The following ADAM23 variants were observed in gnomAD, a reference collection of about 807,000 sequenced individuals.
ADAM23 encodes the protein disintegrin and metalloproteinase domain-containing protein 23.
In ADAM23, 33 loss-of-function variants were observed where a neutral mutation model predicts 120.1. The observed-to-expected ratio is 0.27, with a 90% CI of 0.21 to 0.37. ADAM23 has a LOEUF of 0.37. Ranked by LOEUF, ADAM23 falls within the 10% of genes least tolerant of loss-of-function variation. The pLI, the probability that ADAM23 is intolerant of heterozygous loss-of-function variation, is 1.00. For synonymous variants in ADAM23, 367 were observed against 375.2 expected (o/e 0.98, Z 0.25); for missense variants, 862 against 1,058.2 (o/e 0.81, Z 2.57).
intron 4 of ADAM23, 82 bp downstream of exon 4, chr2:206,531,030 C>A (rs1313481057): frequency 9.2e-7 from 1 of 1,091,702 alleles, no homozygotes; most frequent in Non-Finnish European, 1.3e-6. Context: ...GTTGTTTTGA[C>A]GTCTGTCTCA....
At chr2:206,514,770 A>G (rs753386456) in intron 3 of ADAM23, among the ~76,000 whole-genome samples, 19 of 152,184 alleles carry the variant, frequency 1.2e-4, no homozygotes, top group Non-Finnish European at 1.9e-4. Context: ...CAGCCACTCT[A>G]GCCTTCAGCA....
intron 13 of ADAM23, among the ~76,000 whole-genome samples, chr2:206,564,446 A>C (rs1226780448): frequency 6.6e-6 from 1 of 152,208 alleles, no homozygotes; most frequent in Non-Finnish European, 1.5e-5. Flanking sequence ...AACAAATTGA[A>C]TTCTCTTCTC....
At chr2:206,488,086 T>A (rs1010880379) in intron 3 of ADAM23, among the ~76,000 whole-genome samples, 1 of 152,268 alleles carries the variant, frequency 6.6e-6, no homozygotes. Flanking sequence ...CAGTTCACGC[T>A]GTGTTTTGGA....
intron 23 of ADAM23, 81 bp from the exon 24 acceptor site, chr2:206,595,970 C>T (rs1698516624): frequency 7.4e-6 from 8 of 1,082,376 alleles, no homozygotes; most frequent in Middle Eastern, 2.3e-4. Flanking sequence ...TTCCTCCCTG[C>T]CCCCGTGTCT....
rs536287628 is a variant in ADAM23, at chr2:206,485,023, A to T, written c.509+3715A>T. Among the ~76,000 whole-genome samples, 3 of 152,312 alleles carry T rather than the reference A, an allele frequency of 2.0e-5. No homozygotes were observed. The East Asian group carries it at 5.8e-4, about 29-fold the overall frequency. On this transcript the variant is annotated intron_variant, in intron 3 of 25. Coordinates refer to ENST00000264377, the MANE Select transcript of ADAM23 (RefSeq NM_003812.4). ...CCCAGCCATATGGAACTATGAGTCC[A>T]TTAAAGCTTTTTTTCTTTATAAATT...
intron 3 of ADAM23, among the ~76,000 whole-genome samples, chr2:206,496,313 A>G (rs1696246578): frequency 6.6e-6 from 1 of 152,218 alleles, no homozygotes; most frequent in Admixed American, 6.5e-5. Context: ...CTCAGACCAC[A>G]GTGCAATCAA....
At chr2:206,512,806 A>G (rs1696651995) in intron 3 of ADAM23, among the ~76,000 whole-genome samples, 1 of 152,200 alleles carries the variant, frequency 6.6e-6, no homozygotes, top group Admixed American at 6.5e-5. Flanking sequence ...TGCATTGAGC[A>G]AGTCTATTGG....
rs1697756633 is a variant in ADAM23 at position 206,561,144 on chromosome 2, T to C, written c.1186T>C (p.Tyr396His). The C allele has an allele frequency of 6.2e-7, 1 of 1,614,062 alleles. No homozygotes were observed. Among genetic ancestry groups the C allele is most frequent in the Non-Finnish European group, 8.5e-7 (1 of 1,179,948 alleles). The change falls in exon 12 of 26, where the codon TAT becomes CAT. Residue 396 changes from tyrosine (Y) to histidine (H), a missense_variant. Around this residue, in one of 4 missense-constraint regions of ADAM23, gnomAD observed 617 missense variants for 813.5 expected, o/e 0.76. Transcript: ENST00000264377. The stretch of plus-strand genomic sequence containing the variant: ...TTTCTTAAGGCGGGTGACATTTCAC[T>C]ATAAGAGAAGCAGTCTGAGTTACTT... The part of the protein sequence containing the change: ...VHLISRVTFH[Y>H]KRSSLSYFGG...
intron 3 of ADAM23, among the ~76,000 whole-genome samples, chr2:206,511,863 A>G (rs1045804054): frequency 6.6e-6 from 1 of 152,234 alleles, no homozygotes; most frequent in African/African-American, 2.4e-5. Context: ...CCAAATAAGG[A>G]AAAATTAATG....
chr2:206,580,617 G>A (rs1164302897), intron 18 of ADAM23, among the ~76,000 whole-genome samples: 1 of 152,152 alleles, frequency 6.6e-6, no homozygotes, highest in African/African-American at 2.4e-5. Flanking sequence ...GATTCAGTTA[G>A]CTAGTATTTT....
At chr2:206,592,550 A>G in intron 21 of ADAM23, 67 bp from the exon 22 acceptor site, 3 of 1,565,138 alleles carry the variant, frequency 1.9e-6, no homozygotes, top group Non-Finnish European at 2.6e-6. Flanking sequence ...ATGTGGACCG[A>G]ATCGTTTTGA....
At chr2:206,610,742 T>A (rs1698811421) in intron 25 of ADAM23, among the ~76,000 whole-genome samples, 2 of 152,200 alleles carry the variant, frequency 1.3e-5, no homozygotes, top group Admixed American at 6.5e-5. Context: ...GTGATCAAAA[T>A]TTTTAAAGCT....
intron 2 of ADAM23, among the ~76,000 whole-genome samples, chr2:206,461,211 A>C (rs966096579): frequency 2.0e-5 from 3 of 151,266 alleles, no homozygotes; most frequent in Non-Finnish European, 4.4e-5. Context: ...ACAGGCCCCC[A>C]CCACCACACC....
chr2:206,549,720 A>G lies in ADAM23; in HGVS notation c.868-375A>G, dbSNP rs184398492. ...TTACATAGATTTTCATTGACGTTTT[A>G]AGTAAATATGAATATTTTATCACAT... On this transcript the variant is annotated intron_variant, in intron 8 of 25. Coordinates refer to ENST00000264377, the MANE Select transcript of ADAM23 (RefSeq NM_003812.4). Among the ~76,000 whole-genome samples, 639 of 152,176 alleles carry G rather than the reference A, an allele frequency of 4.2e-3. 5 individuals carry two copies. The highest frequency in any genetic ancestry group is 0.015 in the African/African-American group (616 of 41,562).
intron 3 of ADAM23, among the ~76,000 whole-genome samples, chr2:206,482,955 T>C (rs535338000): frequency 5.1e-4 from 78 of 152,256 alleles, no homozygotes; most frequent in Admixed American, 5.2e-4. Flanking sequence ...TTTGTTGACC[T>C]TCCTCATAAA....
intron 6 of ADAM23, among the ~76,000 whole-genome samples, chr2:206,545,765 C>T (rs1254107149): frequency 1.3e-5 from 2 of 152,132 alleles, no homozygotes; most frequent in African/African-American, 4.8e-5. Flanking sequence ...TTATCTCACT[C>T]CAGTAAGGAA....
intron 4 of ADAM23, among the ~76,000 whole-genome samples, chr2:206,533,049 G>A (rs1215304430): frequency 6.6e-6 from 1 of 151,926 alleles, no homozygotes; most frequent in Admixed American, 6.6e-5. Context: ...TAAAGCATTT[G>A]TAAATAAACT....
At chr2:206,471,067 AC>A (rs1453226956) in intron 2 of ADAM23, among the ~76,000 whole-genome samples, 2 of 152,208 alleles carry the variant, frequency 1.3e-5, no homozygotes, top group African/African-American at 2.4e-5. Context: ...ACAGTATGAA[AC>A]CTATCAACAA....
chr2:206,553,051 G>A lies in ADAM23; in HGVS notation c.933+2891G>A, dbSNP rs114309088. ...AAACAAGGAAAAAGAATTGTAATTTGTACTGATAAATTTAGAGGGAATCGA... is the reference window on the plus strand; with the variant it reads ...AAACAAGGAAAAAGAATTGTAATTTATACTGATAAATTTAGAGGGAATCGA... On this transcript the variant is annotated intron_variant, in intron 9 of 25. Transcript: ENST00000264377. 3.3e-3 allele frequency among the ~76,000 whole-genome samples: 505 copies of A among 152,134 alleles called. 3 individuals carry two copies. Among genetic ancestry groups the A allele is most frequent in the African/African-American group, 0.011 (474 of 41,508 alleles).
Sources: gnomAD v4.1 joint callset for allele counts (sites outside exome capture counted in the v4.1 genomes callset) on GRCh38, gnomAD v4.1.1 for gene constraint, gnomAD v4.1.1 regional missense constraint, MANE v1.5 for transcripts, NCBI Gene and HGNC (gene_info 2026-07-23, HGNC 2026-07-21) for gene names.